ALKBH3: variants seen among roughly 807,000 people sequenced by gnomAD.
ALKBH3 encodes the protein alkB homolog 3, alpha-ketoglutarate dependent dioxygenase.
In ALKBH3, 51 loss-of-function variants were observed where a neutral mutation model predicts 43.9. The observed-to-expected ratio is 1.16, with a 90% confidence interval of 0.93 to 1.47. The LOEUF (loss-of-function observed/expected upper bound fraction) is 1.47, where lower values mean the gene tolerates loss of function less well. Ranked by LOEUF, ALKBH3 falls within the 40% of genes most tolerant of loss-of-function variation. ALKBH3 has a pLI of 0.00. For missense variants in ALKBH3, 361 were observed against 351.9 expected (o/e 1.03, Z -0.21); for synonymous variants, 102 against 115.2 (o/e 0.89, Z 0.73).
At chr11:43,918,956 ATT>A (rs34866196) in intron 8 of ALKBH3, 80 bp from the exon 9 acceptor site, 17 of 1,082,336 alleles carry the variant, frequency 1.6e-5, no homozygotes, top group East Asian at 4.9e-5. Context: ...AGAGGTTTCC[ATT>A]TTTTTTTGAC....
At chr11:43,892,298 GA>G (rs1401262364) in intron 7 of ALKBH3, among the ~76,000 whole-genome samples, 169 bp downstream of exon 7, 2 of 152,172 alleles carry the variant, frequency 1.3e-5, no homozygotes, top group African/African-American at 4.8e-5. Context: ...TCATGTGCTA[GA>G]GGATGAGAAA....
At chr11:43,913,798 G>A (rs1385052219) in intron 8 of ALKBH3, among the ~76,000 whole-genome samples, 1 of 152,242 alleles carries the variant, frequency 6.6e-6, no homozygotes, top group African/African-American at 2.4e-5. Flanking sequence ...CAGCAGCATA[G>A]CTGGGCAACC....
intron 3 of ALKBH3, 131 bp from the exon 4 acceptor site, chr11:43,883,851 GT>G: frequency 9.8e-7 from 1 of 1,021,970 alleles, no homozygotes. Context: ...TCTCTAGTGG[GT>G]TAGTGAGAAG....
intron 7 of ALKBH3, 110 bp downstream of exon 7, chr11:43,892,239 C>A: frequency 1.1e-6 from 1 of 885,662 alleles, no homozygotes; most frequent in South Asian, 1.8e-5. Context: ...GTTCCTAGTT[C>A]AAAAAACCTC....
At chr11:43,918,812 A>T (rs747034000) in intron 8 of ALKBH3, 18 of 505,476 alleles carry the variant, frequency 3.6e-5, no homozygotes, top group Admixed American at 7.1e-5. Flanking sequence ...CCATAGCCCT[A>T]GGTGGCAGTC....
At chr11:43,897,259 G>A (rs778936509) in intron 7 of ALKBH3, 1 of 565,496 alleles carries the variant, frequency 1.8e-6, no homozygotes, top group Non-Finnish European at 3.4e-6. Flanking sequence ...CTGCTCCGCA[G>A]AGCTGCTGGT....
At chr11:43,917,151 C>T (rs956842538) in intron 8 of ALKBH3, among the ~76,000 whole-genome samples, 5 of 152,196 alleles carry the variant, frequency 3.3e-5, no homozygotes, top group Admixed American at 2.0e-4. Flanking sequence ...GACTTTCTCT[C>T]ATTTGAAAAG....
At chr11:43,884,702 T>A (rs2135175906) in intron 4 of ALKBH3, among the ~76,000 whole-genome samples, 1 of 152,344 alleles carries the variant, frequency 6.6e-6, no homozygotes, top group South Asian at 2.1e-4. Context: ...GCTTGCAGAT[T>A]GGCTTGTATA....
chr11:43,887,988 G>A (rs1951758199), intron 5 of ALKBH3, among the ~76,000 whole-genome samples: 1 of 150,332 alleles, frequency 6.7e-6, no homozygotes, highest in Non-Finnish European at 1.5e-5. Flanking sequence ...TAGTAGAGAC[G>A]AGGTTTCACC....
intron 4 of ALKBH3, among the ~76,000 whole-genome samples, chr11:43,885,198 C>T (rs1487122724): frequency 6.6e-6 from 1 of 152,176 alleles, no homozygotes; most frequent in Non-Finnish European, 1.5e-5. Context: ...TGACAGAACT[C>T]ATTCCTACTT....
chr11:43,917,394 A>G (rs1404358700), intron 8 of ALKBH3, among the ~76,000 whole-genome samples: 1 of 152,168 alleles, frequency 6.6e-6, no homozygotes, highest in Non-Finnish European at 1.5e-5. Context: ...TGTTGTGGTT[A>G]AGTGTCTTTC....
At chr11:43,901,869 A>G (rs767758118) in intron 8 of ALKBH3, 144 bp downstream of exon 8, 33 of 1,037,056 alleles carry the variant, frequency 3.2e-5, no homozygotes, top group Non-Finnish European at 3.5e-5. Context: ...CTACTTCCCC[A>G]TGGTTAACTT....
intron 3 of ALKBH3, among the ~76,000 whole-genome samples, chr11:43,883,703 T>G (rs1361546581): frequency 6.6e-6 from 1 of 152,198 alleles, no homozygotes; most frequent in Non-Finnish European, 1.5e-5. Context: ...TTATAGCATA[T>G]TTTCTATTTT....
intron 7 of ALKBH3, among the ~76,000 whole-genome samples, chr11:43,893,307 C>T (rs1951796691): frequency 6.6e-6 from 1 of 152,136 alleles, no homozygotes; most frequent in Non-Finnish European, 1.5e-5. Flanking sequence ...AGTGGCACCC[C>T]TCACCCAGCT....
In ALKBH3 at chr11:43,883,159, A is replaced by T; in HGVS notation, c.154A>T (p.Arg52Ter). The T allele has an allele frequency of 6.2e-7, 1 of 1,613,992 alleles. No individual in the cohort carries two copies. The highest frequency in any genetic ancestry group is 8.5e-7 in the Non-Finnish European group (1 of 1,179,962). The change falls in exon 3 of 10, where the codon AGA becomes TGA. Residue 52 changes from arginine to a stop codon, truncating the protein, a stop_gained. Transcript: ENST00000302708. LOFTEE classifies it high-confidence loss of function. ...GAACAAAGAGCATCATCTCTCTGAC[A>T]GAGAGTTTGTGTTCAAAGAACCTCA... Reference protein sequence around the residue: ...WKNKEHHLSDREFVFKEPQQV... With the variant: ...WKNKEHHLSD
At chr11:43,913,350 C>G (rs928142307) in intron 8 of ALKBH3, among the ~76,000 whole-genome samples, 1 of 152,104 alleles carries the variant, frequency 6.6e-6, no homozygotes, top group Non-Finnish European at 1.5e-5. Context: ...ACCCCCGTCC[C>G]GTCCTCCACC....
Position 43,901,511 on chromosome 11 carries a change from T to C in ALKBH3, c.460-5T>C, listed in dbSNP as rs746446057. On this transcript the variant is annotated splice_region_variant and splice_polypyrimidine_tract_variant and intron_variant, in intron 7 of 9. Transcript: ENST00000302708. ...CTTGCCCTTTTCTTGGTCTGTGGAT[T>C]GCAGTGGCACCCTGTGCTGCGCACA... is the stretch of plus-strand genomic sequence containing the variant. 1.9e-6 allele frequency: 3 copies of C among 1,613,102 alleles called. No homozygotes were observed. Among genetic ancestry groups the C allele is most frequent in the Non-Finnish European group, 1.7e-6 (2 of 1,179,916 alleles).
At chr11:43,893,516 A>T (rs571091078) in intron 7 of ALKBH3, among the ~76,000 whole-genome samples, 5 of 152,164 alleles carry the variant, frequency 3.3e-5, no homozygotes, top group African/African-American at 1.2e-4. Flanking sequence ...GTATGTGCTT[A>T]TTGAAAATTT....
At chr11:43,919,014 A>G in intron 8 of ALKBH3, 24 bp from the exon 9 acceptor site, 1 of 1,565,942 alleles carries the variant, frequency 6.4e-7, no homozygotes, top group Non-Finnish European at 8.8e-7. Flanking sequence ...CAAAACATTT[A>G]TTACAACAAA....
Sources: allele counts gnomAD v4.1 joint callset (sites outside exome capture counted in the v4.1 genomes callset), GRCh38; gene constraint gnomAD v4.1.1; transcripts MANE v1.5; gene names NCBI Gene and HGNC (gene_info 2026-07-23, HGNC 2026-07-21).